The following STK32B variants were observed in gnomAD, a reference collection of about 807,000 sequenced individuals.
The protein encoded by STK32B is serine/threonine-protein kinase 32B.
STK32B carries 43 observed loss-of-function variants against 52.6 expected under a neutral mutation model. The observed-to-expected ratio is 0.82, with a 90% confidence interval of 0.64 to 1.05. The LOEUF (loss-of-function observed/expected upper bound fraction) is 1.05, where lower values mean the gene tolerates loss of function less well. Ranked by LOEUF, STK32B falls within the 50% of genes least tolerant of loss-of-function variation. The probability of loss-of-function intolerance (pLI) is 0.00; values close to 1 mark genes in which losing one functional copy is unlikely to be tolerated. For synonymous variants in STK32B, 238 were observed against 204.3 expected (o/e 1.17, Z -1.41); for missense variants, 621 against 534.6 (o/e 1.16, Z -1.59).
chr4:5,264,680 G>T (rs1039029101), intron 3 of STK32B, among the ~76,000 whole-genome samples: 4 of 151,930 alleles, frequency 2.6e-5, no homozygotes, highest in Non-Finnish European at 4.4e-5. Context: ...CCAGCTGCTC[G>T]GGAGGCTGAG....
intron 3 of STK32B, among the ~76,000 whole-genome samples, chr4:5,182,178 C>A (rs929452940): frequency 2.0e-5 from 3 of 152,208 alleles, no homozygotes; most frequent in African/African-American, 7.2e-5. Flanking sequence ...GTGATATCTT[C>A]CAGCTCTACT....
At chr4:5,172,741 G>A (rs1577139237) in intron 3 of STK32B, among the ~76,000 whole-genome samples, 2 of 152,174 alleles carry the variant, frequency 1.3e-5, no homozygotes, top group Non-Finnish European at 2.9e-5. Context: ...TTGCATCAAG[G>A]TTCATCAAGG....
intron 2 of STK32B, among the ~76,000 whole-genome samples, chr4:5,141,302 G>T (rs564836831): frequency 1.3e-5 from 2 of 152,208 alleles, no homozygotes; most frequent in Non-Finnish European, 2.9e-5. Context: ...TGTGAGCAGA[G>T]ACCTGAAGGA....
intron 3 of STK32B, among the ~76,000 whole-genome samples, chr4:5,206,159 C>T (rs1246025923): frequency 6.6e-6 from 1 of 152,186 alleles, no homozygotes; most frequent in African/African-American, 2.4e-5. Flanking sequence ...AGTCAAATAT[C>T]TTTCTATGTC....
At chr4:5,110,859 T>C (rs533855706) in intron 1 of STK32B, among the ~76,000 whole-genome samples, 43 of 152,002 alleles carry the variant, frequency 2.8e-4, no homozygotes, top group African/African-American at 8.2e-4. Flanking sequence ...TTACAAGTTA[T>C]GCCCTCAACA....
intron 6 of STK32B, among the ~76,000 whole-genome samples, chr4:5,419,224 C>T (rs1712421878): frequency 6.6e-6 from 1 of 152,136 alleles, no homozygotes; most frequent in African/African-American, 2.4e-5. Flanking sequence ...CTTAACAGAC[C>T]TATCTGTTGT....
At chr4:5,406,477 C>T (rs1737681613) in intron 5 of STK32B, among the ~76,000 whole-genome samples, 1 of 151,824 alleles carries the variant, frequency 6.6e-6, no homozygotes, top group African/African-American at 2.4e-5. Flanking sequence ...TTCACCCTTC[C>T]CTAGTAGAAT....
chr4:5,485,358 C>G (rs1719066120), intron 11 of STK32B, among the ~76,000 whole-genome samples: 1 of 152,050 alleles, frequency 6.6e-6, no homozygotes, highest in South Asian at 2.1e-4. Flanking sequence ...TCACTGATAC[C>G]CTTTCTTCCA....
At chr4:5,450,053 G>C (rs779979406) in intron 7 of STK32B, among the ~76,000 whole-genome samples, 22 of 152,170 alleles carry the variant, frequency 1.4e-4, no homozygotes, top group Non-Finnish European at 1.2e-4. Flanking sequence ...CACAAAACCA[G>C]TCCCTGGTGC....
At chr4:5,246,273 T>A (rs1725445950) in intron 3 of STK32B, among the ~76,000 whole-genome samples, 3 of 152,220 alleles carry the variant, frequency 2.0e-5, no homozygotes, top group Non-Finnish European at 4.4e-5. Flanking sequence ...TGTTCATTTC[T>A]TTTTATTCTT....
At chr4:5,474,019 C>T (rs1385971598) in intron 11 of STK32B, among the ~76,000 whole-genome samples, 1 of 151,998 alleles carries the variant, frequency 6.6e-6, no homozygotes, top group Admixed American at 6.6e-5. Context: ...GAGGCTAAGT[C>T]AGGAGAATCA....
intron 1 of STK32B, among the ~76,000 whole-genome samples, chr4:5,138,680 T>C (rs1423872097): frequency 2.0e-5 from 3 of 152,150 alleles, no homozygotes; most frequent in African/African-American, 7.2e-5. Flanking sequence ...TAATGAAATA[T>C]ACAAAGGTAA....
chr4:5,242,161 C>A (rs1204321244), intron 3 of STK32B, among the ~76,000 whole-genome samples: 1 of 152,140 alleles, frequency 6.6e-6, no homozygotes, highest in Non-Finnish European at 1.5e-5. Context: ...TACTGACATC[C>A]ACAATGGCTG....
intron 1 of STK32B, among the ~76,000 whole-genome samples, chr4:5,102,452 C>CCTTT (rs1468005109): frequency 1.4e-5 from 1 of 70,764 alleles, no homozygotes; most frequent in African/African-American, 3.9e-5. Flanking sequence ...TTCCTTCCTT[C>CCTTT]CTTCCTTCCT....
intron 5 of STK32B, among the ~76,000 whole-genome samples, chr4:5,405,089 A>G (rs1168171394): frequency 1.3e-5 from 2 of 151,678 alleles, no homozygotes; most frequent in East Asian, 2.0e-4. Flanking sequence ...GATGGTCTCA[A>G]TCTCTTGACC....
intron 1 of STK32B, among the ~76,000 whole-genome samples, chr4:5,119,170 C>T (rs1714893640): frequency 6.6e-6 from 1 of 152,230 alleles, no homozygotes; most frequent in African/African-American, 2.4e-5. Flanking sequence ...CTCCTGATGG[C>T]TAGCAGATCC....
Position 5,460,335 on chromosome 4 carries a change from C to A in STK32B, c.909+107C>A. 1 of 1,478,514 alleles carries A rather than the reference C, an allele frequency of 6.8e-7. No individual in the cohort carries two copies. The allele number at this position is 1,478,514 out of a possible 1,614,324, so 91.6% of individuals were successfully genotyped here. A position where few individuals can be genotyped will look rare whatever the true frequency, so the allele number is the denominator to read the frequency against. ...CTAGTGAGCCCTCTGCTGGCCACTT[C>A]CACCTGAGCACCAAGGGCTTATGTC... On this transcript the variant is annotated intron_variant, in intron 9 of 11. Coordinates refer to ENST00000282908, the MANE Select transcript of STK32B (RefSeq NM_018401.3). The surrounding 1 kb of genome is among the most constrained non-coding windows in gnomAD (Gnocchi z 4.8).
At chr4:5,208,456 A>G (rs760115570) in intron 3 of STK32B, among the ~76,000 whole-genome samples, 1 of 152,144 alleles carries the variant, frequency 6.6e-6, no homozygotes, top group South Asian at 2.1e-4. Flanking sequence ...CATATACAAC[A>G]CTTTGTAGTT....
the STK32B span, among the ~76,000 whole-genome samples, chr4:5,025,244 C>T: frequency 6.6e-6 from 1 of 152,172 alleles, no homozygotes; most frequent in African/African-American, 2.4e-5. Context: ...GCTCCCTCAA[C>T]AGTGAGACGA....
Sources: gnomAD v4.1 joint callset for allele counts (sites outside exome capture counted in the v4.1 genomes callset) on GRCh38, gnomAD v4.1.1 for gene constraint, Gnocchi (gnomAD v3.1) non-coding constraint, MANE v1.5 for transcripts, NCBI Gene and HGNC (gene_info 2026-07-23, HGNC 2026-07-21) for gene names.